SOX6: variants seen among roughly 807,000 people sequenced by gnomAD.
SOX6 encodes the protein SRY-box transcription factor 6.
SOX6 carries 11 observed loss-of-function variants against 97.8 expected under a neutral mutation model. The ratio of observed to expected loss-of-function variants is 0.11; its 90% confidence interval spans 0.07 to 0.19. SOX6 has a LOEUF of 0.19. SOX6 is among the 10% of genes least tolerant of loss of function. SOX6 has a pLI of 1.00. For synonymous variants in SOX6, 360 were observed against 371.4 expected (o/e 0.97, Z 0.35); for missense variants, 810 against 1,039.5 (o/e 0.78, Z 3.04).
intron 4 of SOX6, among the ~76,000 whole-genome samples, chr11:16,598,810 A>G (rs921540802): frequency 6.6e-6 from 1 of 152,132 alleles, no homozygotes; most frequent in Admixed American, 6.5e-5. Context: ...CAAACAGCAT[A>G]AAGTCCCTTT....
Position 16,728,609 on chromosome 11 carries a change from C to G in SOX6, n.353+7730G>C, listed in dbSNP as rs183434666. ...CATCAAAGACAAAAGGCAGATAAAT[C>G]CACAAAGATGAGGAAAAACCAGTAC... On this transcript the variant is annotated intron_variant and non_coding_transcript_variant, in intron 2 of 5. Transcript: ENST00000524520. Among the ~76,000 whole-genome samples, 3 of 152,236 alleles carry G rather than the reference C, an allele frequency of 2.0e-5. No homozygotes were observed. The East Asian group carries it at 5.8e-4, about 29-fold the overall frequency.
intron 2 of SOX6, among the ~76,000 whole-genome samples, chr11:16,332,728 T>C (rs1035210090): frequency 6.6e-6 from 1 of 152,162 alleles, no homozygotes; most frequent in Non-Finnish European, 1.5e-5. Flanking sequence ...TTGAACTCAA[T>C]TTGCATCACC....
intron 3 of SOX6, among the ~76,000 whole-genome samples, chr11:16,235,226 C>A (rs1852980313): frequency 1.3e-5 from 2 of 152,050 alleles, no homozygotes; most frequent in African/African-American, 4.8e-5. Context: ...AGTAATAAAA[C>A]TGCTAAAATT....
At chr11:16,103,328 A>T (rs1848996896) in intron 7 of SOX6, among the ~76,000 whole-genome samples, 2 of 152,012 alleles carry the variant, frequency 1.3e-5, no homozygotes, top group African/African-American at 4.8e-5. Context: ...AGGCAATACC[A>T]CCTCACTCCT....
chr11:16,462,362 G>A (rs146112148), intron 1 of SOX6, among the ~76,000 whole-genome samples: 9 of 152,284 alleles, frequency 5.9e-5, no homozygotes, highest in African/African-American at 2.2e-4. Flanking sequence ...ACTGTCTTGG[G>A]AGTTTATATA....
At chr11:16,003,954 T>A (rs1478079920) in intron 13 of SOX6, among the ~76,000 whole-genome samples, 3 of 151,798 alleles carry the variant, frequency 2.0e-5, no homozygotes, top group Non-Finnish European at 4.4e-5. Flanking sequence ...CTGAGATTTT[T>A]GGAAATATTA....
intron 3 of SOX6, among the ~76,000 whole-genome samples, chr11:16,236,758 A>T (rs1853036799): frequency 2.0e-5 from 3 of 151,992 alleles, no homozygotes; most frequent in Admixed American, 2.0e-4. Context: ...TAGACCTGAA[A>T]TCTTTTAGAG....
At chr11:16,735,987 T>C (rs1173076922) in intron 2 of SOX6, among the ~76,000 whole-genome samples, 4 of 152,108 alleles carry the variant, frequency 2.6e-5, no homozygotes, top group Admixed American at 2.0e-4. Flanking sequence ...ATGCTAAATG[T>C]TGGGAAAATT....
At chr11:16,629,416 G>A (rs983671197) in intron 3 of SOX6, among the ~76,000 whole-genome samples, 3 of 152,086 alleles carry the variant, frequency 2.0e-5, no homozygotes, top group African/African-American at 7.2e-5. Flanking sequence ...TGTGTCTGTT[G>A]AACAAACCTT....
intron 4 of SOX6, among the ~76,000 whole-genome samples, chr11:16,570,115 T>G (rs1048200665): frequency 3.9e-5 from 6 of 152,158 alleles, no homozygotes; most frequent in Admixed American, 2.6e-4. Context: ...GTTTACTTAC[T>G]AAAACCTACT....
intron 6 of SOX6, among the ~76,000 whole-genome samples, chr11:16,153,068 T>C (rs1035782088): frequency 6.6e-6 from 1 of 152,216 alleles, no homozygotes. Context: ...GGTTTCACCA[T>C]GTTGGCCAGG....
chr11:16,437,621 G>C (rs1328668675), intron 1 of SOX6, among the ~76,000 whole-genome samples: 1 of 152,088 alleles, frequency 6.6e-6, no homozygotes, highest in East Asian at 1.9e-4. Flanking sequence ...TGCAATTCAG[G>C]ACCCATAGCA....
chr11:16,249,109 GAA>G (rs1013777905), intron 3 of SOX6, among the ~76,000 whole-genome samples: 1 of 148,460 alleles, frequency 6.7e-6, no homozygotes, highest in African/African-American at 2.5e-5. Context: ...AAAAAAAAAA[GAA>G]AAAGAAAAAA....
intron 4 of SOX6, among the ~76,000 whole-genome samples, chr11:16,500,490 G>C (rs533300635): frequency 6.6e-6 from 1 of 152,102 alleles, no homozygotes; most frequent in Non-Finnish European, 1.5e-5. Flanking sequence ...GAAATAAAGG[G>C]TATTCAATTA....
chr11:16,230,224 A>ACAATTC lies in SOX6; in HGVS notation c.535+4352_535+4357dup, dbSNP rs955737517. ...GAATATTTAATATGAAATATTAAAA[A>ACAATTC]CAATTCCATAAATTAAAAATTACAC... On this transcript the variant is annotated intron_variant, in intron 4 of 15. Coordinates refer to ENST00000683767, the MANE Select transcript of SOX6 (RefSeq NM_001367873.1). 6.2e-4 allele frequency among the ~76,000 whole-genome samples: 94 copies of ACAATTC among 151,940 alleles called. No homozygotes were observed. In the East Asian group the frequency reaches 0.015, roughly 25 times the overall value.
At chr11:16,093,940 G>T (rs1353322466) in intron 9 of SOX6, among the ~76,000 whole-genome samples, 2 of 151,802 alleles carry the variant, frequency 1.3e-5, no homozygotes, top group Non-Finnish European at 2.9e-5. Flanking sequence ...AGGAAAGTTT[G>T]GGAAACCCAT....
intron 9 of SOX6, among the ~76,000 whole-genome samples, chr11:16,072,257 A>T (rs1048431419): frequency 1.3e-5 from 2 of 152,224 alleles, no homozygotes; most frequent in African/African-American, 4.8e-5. Context: ...AACCAAACTG[A>T]ACTGAGAGAG....
intron 9 of SOX6, among the ~76,000 whole-genome samples, chr11:16,091,781 C>T (rs1848695374): frequency 1.3e-5 from 2 of 151,902 alleles, no homozygotes; most frequent in Admixed American, 1.3e-4. Flanking sequence ...ACATAAGACC[C>T]ATCAAATAAC....
chr11:16,151,304 C>T (rs1375159645), intron 6 of SOX6, among the ~76,000 whole-genome samples: 6 of 152,038 alleles, frequency 3.9e-5, no homozygotes, highest in Admixed American at 6.6e-5. Flanking sequence ...TAGTGCGTAA[C>T]GAAAGTGATT....
Sources: gnomAD v4.1 joint callset for allele counts (sites outside exome capture counted in the v4.1 genomes callset) on GRCh38, gnomAD v4.1.1 for gene constraint, MANE v1.5 for transcripts, NCBI Gene and HGNC (gene_info 2026-07-23, HGNC 2026-07-21) for gene names.